Variants in RAB3GAP1 observed in about 807,000 individuals in gnomAD.
The protein encoded by RAB3GAP1 is RAB3 GTPase activating protein catalytic subunit 1, also known as rab3 GTPase-activating protein catalytic subunit.
RAB3GAP1 carries 86 observed loss-of-function variants against 130.7 expected under a neutral mutation model. The ratio of observed to expected loss-of-function variants is 0.66; its 90% CI spans 0.55 to 0.79. The LOEUF is 0.79. RAB3GAP1 is among the 30% of genes least tolerant of loss of function. The pLI is 0.00. For synonymous variants in RAB3GAP1, 367 were observed against 401.7 expected (o/e 0.91, Z 1.03); for missense variants, 1,029 against 1,169.4 (o/e 0.88, Z 1.75).
intron 3 of RAB3GAP1, among the ~76,000 whole-genome samples, chr2:135,083,683 C>G (rs1387412380): frequency 6.7e-6 from 1 of 149,576 alleles, no homozygotes; most frequent in African/African-American, 2.5e-5. Flanking sequence ...CAGGCTGGTC[C>G]TAAACTCTTG....
At chr2:135,125,229 C>T (rs1223075331) in intron 9 of RAB3GAP1, among the ~76,000 whole-genome samples, 1 of 152,078 alleles carries the variant, frequency 6.6e-6, no homozygotes, top group Non-Finnish European at 1.5e-5. Context: ...ATGTGGCTTT[C>T]TTTGTGTCTG....
At chr2:135,172,954 G>A (rs1317829130), downstream of RAB3GAP1, among the ~76,000 whole-genome samples, 4 of 152,168 alleles carry the variant, frequency 2.6e-5, no homozygotes, top group South Asian at 2.1e-4. Flanking sequence ...ATTTTGGTTC[G>A]TAAAGAGAGG....
chr2:135,099,804 C>G (rs1359852199), intron 5 of RAB3GAP1, among the ~76,000 whole-genome samples: 2 of 151,930 alleles, frequency 1.3e-5, no homozygotes, highest in African/African-American at 2.4e-5. Context: ...ATACCCATAT[C>G]CCTGAGAGGT....
chr2:135,055,483 G>A (rs1688982558), intron 2 of RAB3GAP1, among the ~76,000 whole-genome samples: 1 of 152,118 alleles, frequency 6.6e-6, no homozygotes, highest in East Asian at 1.9e-4. Flanking sequence ...TTCAAGAGGA[G>A]CTGGGGCAGC....
At chr2:135,117,696 GCTT>G (rs1198298600) in intron 7 of RAB3GAP1, among the ~76,000 whole-genome samples, 296 of 19,846 alleles carry the variant, frequency 0.015, no homozygotes, top group Middle Eastern at 0.087. Flanking sequence ...TTCTTCTTCT[GCTT>G]CTTCTGCTTC....
intron 17 of RAB3GAP1, among the ~76,000 whole-genome samples, chr2:135,140,441 T>C (rs1211118907): frequency 6.6e-6 from 1 of 152,220 alleles, no homozygotes; most frequent in East Asian, 1.9e-4. Context: ...TTAGTGATTT[T>C]CTAGGAAGAC....
At chr2:135,079,659 C>T (rs1046567877) in intron 3 of RAB3GAP1, among the ~76,000 whole-genome samples, 5 of 152,198 alleles carry the variant, frequency 3.3e-5, no homozygotes, top group African/African-American at 9.7e-5. Context: ...TAACAGGGAT[C>T]CAATTTTCTT....
At chr2:135,085,325 A>G (rs529334861) in intron 3 of RAB3GAP1, among the ~76,000 whole-genome samples, 1 of 152,342 alleles carries the variant, frequency 6.6e-6, no homozygotes, top group African/African-American at 2.4e-5. Context: ...ATGGAGGTGT[A>G]TAATCAGATT....
chr2:135,164,057 T>C (rs918162743), intron 22 of RAB3GAP1, among the ~76,000 whole-genome samples: 1 of 152,254 alleles, frequency 6.6e-6, no homozygotes, highest in African/African-American at 2.4e-5. Flanking sequence ...ACTCTGTTAG[T>C]TCCACCATAC....
At chr2:135,136,464 A>G (rs111332965) in intron 17 of RAB3GAP1, among the ~76,000 whole-genome samples, 6 of 152,356 alleles carry the variant, frequency 3.9e-5, no homozygotes, top group South Asian at 2.1e-4. Context: ...GACAAAGTCT[A>G]TGTTTAAAGA....
chr2:135,151,412 G>A (rs1475215809), intron 18 of RAB3GAP1, among the ~76,000 whole-genome samples: 3 of 152,128 alleles, frequency 2.0e-5, no homozygotes, highest in African/African-American at 7.2e-5. Flanking sequence ...AAACACCTGT[G>A]TATTATTTTT....
chr2:135,151,122 A>G (rs1692161500), intron 18 of RAB3GAP1, among the ~76,000 whole-genome samples: 1 of 152,246 alleles, frequency 6.6e-6, no homozygotes, highest in Admixed American at 6.5e-5. Context: ...TACAGGATTC[A>G]GGGAATGGTG....
At chr2:135,120,968 A>T (rs1229406897) in intron 8 of RAB3GAP1, 50 bp downstream of exon 8, 1 of 1,261,070 alleles carries the variant, frequency 7.9e-7, no homozygotes, top group Non-Finnish European at 1.2e-6. Context: ...AATGGAAAAG[A>T]AGATACATTC....
At chr2:135,089,303 G>A (rs1690073656) in intron 3 of RAB3GAP1, among the ~76,000 whole-genome samples, 1 of 152,016 alleles carries the variant, frequency 6.6e-6, no homozygotes, top group Non-Finnish European at 1.5e-5. Context: ...GCCTTGTAAT[G>A]TAGTTTGAAG....
rs112935823 is a variant in RAB3GAP1 at position 135,082,141 on chromosome 2, C to CAATGAATG, written c.151-8841_151-8834dup. 3.2e-3 allele frequency among the ~76,000 whole-genome samples: 478 copies of CAATGAATG among 148,748 alleles called. 3 individuals are homozygous for CAATGAATG. The highest frequency in any genetic ancestry group is 0.011 in the African/African-American group (447 of 39,684). ...TGGGTGACAGAGCAAGACTCTGTCT[C>CAATGAATG]AATGAATGAATGAATGAATGAATAA... On this transcript the variant is annotated intron_variant, in intron 3 of 23. Transcript: ENST00000264158.
At chr2:135,171,540 C>G (rs1692855022), downstream of RAB3GAP1, among the ~76,000 whole-genome samples, 1 of 152,110 alleles carries the variant, frequency 6.6e-6, no homozygotes, top group Admixed American at 6.5e-5. Flanking sequence ...TCTCCAGGGC[C>G]CTCCTACCCC....
intron 5 of RAB3GAP1, among the ~76,000 whole-genome samples, chr2:135,095,280 C>T (rs1045217554): frequency 1.8e-4 from 27 of 152,286 alleles, no homozygotes; most frequent in Admixed American, 6.5e-4. Context: ...GATCTCCTGA[C>T]CTCGTGATCC....
At chr2:135,161,466 A>G (rs1379145158) in intron 19 of RAB3GAP1, among the ~76,000 whole-genome samples, 1 of 152,204 alleles carries the variant, frequency 6.6e-6, no homozygotes, top group East Asian at 1.9e-4. Context: ...ACAAAAGTAA[A>G]CAATATATTA....
At chr2:135,171,120 G>C (rs1692839445), downstream of RAB3GAP1, among the ~76,000 whole-genome samples, 1 of 151,908 alleles carries the variant, frequency 6.6e-6, no homozygotes, top group African/African-American at 2.4e-5. Flanking sequence ...AACGGAATGG[G>C]CAAAATCCCA....
Sources: gnomAD v4.1 joint callset for allele counts (sites outside exome capture counted in the v4.1 genomes callset) on GRCh38, gnomAD v4.1.1 for gene constraint, MANE v1.5 for transcripts, NCBI Gene and HGNC (gene_info 2026-07-23, HGNC 2026-07-21) for gene names.